PSMA1: variants seen among roughly 807,000 people sequenced by gnomAD.
The protein encoded by PSMA1 is proteasome subunit alpha type-1.
PSMA1 carries 3 observed loss-of-function variants against 38.4 expected under a neutral mutation model. The observed-to-expected ratio is 0.08, with a 90% CI of 0.04 to 0.20. PSMA1 has a LOEUF of 0.20. Ranked by LOEUF, PSMA1 falls within the 10% of genes least tolerant of loss-of-function variation. PSMA1 has a pLI of 1.00. For missense variants in PSMA1, 227 were observed against 325.3 expected (o/e 0.70, Z 2.32); for synonymous variants, 101 against 107.1 (o/e 0.94, Z 0.35).
chr11:14,521,135 G>GTCTGACATCTCTGCAAACAGCCGCCAA (rs57179677), upstream of PSMA1, among the ~76,000 whole-genome samples: 1 of 151,172 alleles, frequency 6.6e-6, no homozygotes, highest in Non-Finnish European at 1.5e-5. Context: ...TAACGAAATA[G>GTCTGACATCTCTGCAAACAGCCGCCAA]TCTGACATCC....
intron 2 of PSMA1, among the ~76,000 whole-genome samples, chr11:14,565,791 G>T (rs1450269611): frequency 4.6e-5 from 7 of 152,196 alleles, no homozygotes; most frequent in Non-Finnish European, 8.8e-5. Flanking sequence ...AGAACAAAAG[G>T]TAAAGCAGCG....
At chr11:14,599,390 G>T (rs548875378) in intron 2 of PSMA1, among the ~76,000 whole-genome samples, 9 of 152,288 alleles carry the variant, frequency 5.9e-5, no homozygotes, top group African/African-American at 2.2e-4. Context: ...AGACATAGAT[G>T]TGGTCTTTTC....
At chr11:14,635,290 C>A (rs1853099854) in intron 1 of PSMA1, among the ~76,000 whole-genome samples, 1 of 152,142 alleles carries the variant, frequency 6.6e-6, no homozygotes, top group African/African-American at 2.4e-5. Context: ...ATTACACATC[C>A]CAAAATACAG....
At chr11:14,510,793 A>G in intron 8 of PSMA1, 79 bp downstream of exon 8, 2 of 994,224 alleles carry the variant, frequency 2.0e-6, no homozygotes, top group African/African-American at 1.7e-5. Flanking sequence ...AGAATGTTGC[A>G]TATATACTCC....
intron 2 of PSMA1, among the ~76,000 whole-genome samples, chr11:14,586,630 T>G (rs773747368): frequency 6.6e-6 from 1 of 152,212 alleles, no homozygotes; most frequent in African/African-American, 2.4e-5. Context: ...TAGTTTTTTC[T>G]GTGTGGAATA....
intron 2 of PSMA1, among the ~76,000 whole-genome samples, chr11:14,562,316 CT>C (rs529268612): frequency 2.0e-4 from 31 of 152,284 alleles, no homozygotes; most frequent in East Asian, 7.7e-4. Context: ...CTTGTTATAG[CT>C]TTTTTTCCCC....
chr11:14,630,807 G>A (rs1565063305), intron 1 of PSMA1, among the ~76,000 whole-genome samples: 1 of 152,198 alleles, frequency 6.6e-6, no homozygotes, highest in African/African-American at 2.4e-5. Context: ...GACTCTTTTT[G>A]GTTGGTAAGC....
chr11:14,615,680 A>T (rs1287794963), intron 1 of PSMA1, among the ~76,000 whole-genome samples: 1 of 152,120 alleles, frequency 6.6e-6, no homozygotes, highest in African/African-American at 2.4e-5. Flanking sequence ...ACTCTCTTTA[A>T]TCACTCCTTT....
intron 2 of PSMA1, among the ~76,000 whole-genome samples, chr11:14,536,894 C>T (rs544842096): frequency 6.2e-4 from 94 of 152,342 alleles, no homozygotes; most frequent in Middle Eastern, 6.8e-3. Context: ...GGATTACAGG[C>T]GTGAGCCACC....
chr11:14,544,281 G>A (rs1402152267), intron 2 of PSMA1, among the ~76,000 whole-genome samples: 1 of 152,064 alleles, frequency 6.6e-6, no homozygotes, highest in Non-Finnish European at 1.5e-5. Flanking sequence ...CAACCCGCCC[G>A]CCTTGGCCTC....
chr11:14,546,443 CT>C (rs1000416826), intron 2 of PSMA1, among the ~76,000 whole-genome samples: 18 of 152,024 alleles, frequency 1.2e-4, no homozygotes, highest in Admixed American at 5.9e-4. Context: ...GGAAATGTGG[CT>C]TTTTTTCCCC....
chr11:14,517,547 C>A, intron 4 of PSMA1, 95 bp downstream of exon 4: 2 of 1,022,412 alleles, frequency 2.0e-6, no homozygotes, highest in Admixed American at 2.8e-5. Flanking sequence ...AGAACTTTGG[C>A]AGACAACTTC....
intron 1 of PSMA1, among the ~76,000 whole-genome samples, chr11:14,619,530 G>A (rs1852815293): frequency 6.6e-6 from 1 of 152,168 alleles, no homozygotes; most frequent in Admixed American, 6.5e-5. Context: ...AACCTAGGGT[G>A]ACTCAGCTTC....
chr11:14,586,563 T>A (rs937895084), intron 2 of PSMA1, among the ~76,000 whole-genome samples: 5 of 152,164 alleles, frequency 3.3e-5, no homozygotes, highest in Admixed American at 6.5e-5. Flanking sequence ...TATCCCCAAA[T>A]AAAAAGACAT....
chr11:14,547,252 G>A (rs1456597663), intron 2 of PSMA1, among the ~76,000 whole-genome samples: 1 of 152,150 alleles, frequency 6.6e-6, no homozygotes, highest in Non-Finnish European at 1.5e-5. Context: ...TAGAGTAGTA[G>A]GGCCTGGGCA....
chr11:14,628,177 T>A (rs1207071119), intron 1 of PSMA1, among the ~76,000 whole-genome samples: 1 of 152,136 alleles, frequency 6.6e-6, no homozygotes, highest in Non-Finnish European at 1.5e-5. Context: ...TTCTTTTTTT[T>A]TTATTATACT....
At chr11:14,616,063 G>T (rs1852768744) in intron 1 of PSMA1, among the ~76,000 whole-genome samples, 2 of 152,042 alleles carry the variant, frequency 1.3e-5, no homozygotes. Context: ...AATTTGGGCT[G>T]AAGTCTGAGA....
chr11:14,630,962 T>TC (rs1852997153), intron 1 of PSMA1, among the ~76,000 whole-genome samples: 1 of 152,238 alleles, frequency 6.6e-6, no homozygotes, highest in Non-Finnish European at 1.5e-5. Context: ...TAGAGGTGTT[T>TC]GTAGTATTCC....
At chr11:14,530,435 GAGACAGAA>G (rs1851634990) in intron 2 of PSMA1, among the ~76,000 whole-genome samples, 1 of 152,180 alleles carries the variant, frequency 6.6e-6, no homozygotes, top group Non-Finnish European at 1.5e-5. Context: ...CAGCCAAACT[GAGACAGAA>G]AGAGTCCCTT....
Sources: gnomAD v4.1 joint callset for allele counts (sites outside exome capture counted in the v4.1 genomes callset) on GRCh38, gnomAD v4.1.1 for gene constraint, MANE v1.5 for transcripts, NCBI Gene and HGNC (gene_info 2026-07-23, HGNC 2026-07-21) for gene names.